Variants in CLIP2 observed in about 807,000 individuals in gnomAD.
CLIP2 encodes CAP-Gly domain containing linker protein 2, also known as CAP-Gly domain-containing linker protein 2.
In CLIP2, 41 loss-of-function variants were observed where a neutral mutation model predicts 111.7. That is an observed-to-expected ratio of 0.37 (90% CI 0.29 to 0.48). The LOEUF (loss-of-function observed/expected upper bound fraction) is 0.48, where lower values mean the gene tolerates loss of function less well. Ranked by LOEUF, CLIP2 falls within the 20% of genes least tolerant of loss-of-function variation. CLIP2 has a pLI of 0.99. For synonymous variants in CLIP2, 660 were observed against 644.2 expected (o/e 1.02, Z -0.37); for missense variants, 1,160 against 1,422.1 (o/e 0.82, Z 2.96).
At chr7:74,341,002 T>G (rs1380524518) in intron 3 of CLIP2, among the ~76,000 whole-genome samples, 2 of 152,048 alleles carry the variant, frequency 1.3e-5, no homozygotes, top group African/African-American at 4.8e-5. Context: ...TCTGAGAACC[T>G]GGCAAAGGTT....
chr7:74,380,915 T>A (rs1487279916), intron 11 of CLIP2, 52 bp downstream of exon 11: 2 of 1,555,618 alleles, frequency 1.3e-6, no homozygotes, highest in Non-Finnish European at 1.8e-6. Flanking sequence ...AGAGGCTGGC[T>A]GGCTCTGCCT....
At chr7:74,308,760 C>T (rs1320171410) in intron 1 of CLIP2, among the ~76,000 whole-genome samples, 3 of 152,176 alleles carry the variant, frequency 2.0e-5, no homozygotes, top group African/African-American at 4.8e-5. Context: ...CTGCCTCGGC[C>T]GTCTTTTCAT....
chr7:74,299,459 C>T (rs1554726468), intron 1 of CLIP2, among the ~76,000 whole-genome samples: 1 of 152,220 alleles, frequency 6.6e-6, no homozygotes, highest in Non-Finnish European at 1.5e-5. Context: ...TAGTAGTGTG[C>T]TGGGCTGCCC....
At chr7:74,369,219 T>C (rs1317548981) in intron 8 of CLIP2, among the ~76,000 whole-genome samples, 1 of 151,944 alleles carries the variant, frequency 6.6e-6, no homozygotes, top group Non-Finnish European at 1.5e-5. Context: ...GGCATGGTGG[T>C]GGGCACCAGT....
At chr7:74,301,784 C>T (rs1788345136) in intron 1 of CLIP2, among the ~76,000 whole-genome samples, 1 of 151,740 alleles carries the variant, frequency 6.6e-6, no homozygotes, top group South Asian at 2.1e-4. Context: ...GTGATCTCGG[C>T]TCACTGCAGC....
chr7:74,313,918 C>T (rs1035182129), intron 1 of CLIP2, among the ~76,000 whole-genome samples: 1 of 152,140 alleles, frequency 6.6e-6, no homozygotes, highest in Non-Finnish European at 1.5e-5. Flanking sequence ...AGCAGTGGCT[C>T]ATGCCTGTAA....
At chr7:74,296,525 C>T (rs1232759582) in intron 1 of CLIP2, among the ~76,000 whole-genome samples, 1 of 151,306 alleles carries the variant, frequency 6.6e-6, no homozygotes, top group African/African-American at 2.4e-5. Flanking sequence ...CACGGTGGCT[C>T]ACGCCTGTAA....
In CLIP2 at chr7:74,333,204, G is replaced by A. The variant is rs535083474; in HGVS notation, c.122-5244G>A. ...GAGGTTTATTTTAATTTTTTTTTGA[G>A]ACAGAGTCTTGCTCTGTCGCCCAGG... On this transcript the variant is annotated intron_variant, in intron 2 of 16. Transcript: ENST00000223398. 1.9e-3 allele frequency among the ~76,000 whole-genome samples: 282 copies of A among 152,128 alleles called. 1 individual carries two copies. Among genetic ancestry groups the A allele is most frequent in the Non-Finnish European group, 3.5e-3 (235 of 67,982 alleles).
chr7:74,307,674 G>A (rs1293982782), intron 1 of CLIP2, among the ~76,000 whole-genome samples: 1 of 152,076 alleles, frequency 6.6e-6, no homozygotes, highest in Non-Finnish European at 1.5e-5. Flanking sequence ...TGTATTTTTA[G>A]TAGAGACAGG....
At chr7:74,385,889 T>C (rs1246736387) in intron 11 of CLIP2, among the ~76,000 whole-genome samples, 1 of 148,618 alleles carries the variant, frequency 6.7e-6, no homozygotes, top group Non-Finnish European at 1.5e-5. Context: ...ATTACAGGCA[T>C]GCACCACCAC....
chr7:74,324,490 A>G (rs1554730441), intron 2 of CLIP2, among the ~76,000 whole-genome samples: 1 of 152,088 alleles, frequency 6.6e-6, no homozygotes, highest in East Asian at 1.9e-4. Context: ...GGATGGGGAC[A>G]AGGACTGGGT....
intron 1 of CLIP2, among the ~76,000 whole-genome samples, chr7:74,311,682 G>A (rs1788643694): frequency 6.6e-6 from 1 of 152,188 alleles, no homozygotes; most frequent in Non-Finnish European, 1.5e-5. Context: ...GGCAGAGGCA[G>A]GAGGATTGCT....
intron 1 of CLIP2, among the ~76,000 whole-genome samples, chr7:74,299,472 C>T (rs1465188823): frequency 1.3e-5 from 2 of 152,226 alleles, no homozygotes; most frequent in Admixed American, 6.5e-5. Flanking sequence ...GGCTGCCCCT[C>T]AGGGGCATAG....
intron 3 of CLIP2, among the ~76,000 whole-genome samples, chr7:74,352,979 T>C (rs984207947): frequency 6.6e-6 from 1 of 151,390 alleles, no homozygotes; most frequent in African/African-American, 2.4e-5. Flanking sequence ...AGATCCTGTG[T>C]CTACAAAAAA....
rs144390075 is a variant in CLIP2, at chr7:74,397,083, C to T, written c.2730C>T (p.Asn910=). The T allele has an allele frequency of 1.7e-3, 2,689 of 1,613,502 alleles. 7 individuals carry two copies. Among genetic ancestry groups the T allele is most frequent in the Middle Eastern group, 3.1e-3 (19 of 6,038 alleles). Residue 910 remains asparagine, a synonymous_variant, in exon 14 of 17, where the codon AAC becomes AAT. Transcript: ENST00000223398. ...QELLRKERSL[N]ELRVLLLEAN... Reference sequence around the variant, plus strand: ...CCCGCCTCACCCCCAGGAGCCTGAACGAACTGCGGGTGTTGCTGCTGGAGG... The same window carrying T: ...CCCGCCTCACCCCCAGGAGCCTGAATGAACTGCGGGTGTTGCTGCTGGAGG...
chr7:74,310,036 CAAAAAAAAAAAAAAAA>C (rs71094774), intron 1 of CLIP2, among the ~76,000 whole-genome samples: 77 of 92,450 alleles, frequency 8.3e-4, no homozygotes, highest in Admixed American at 6.0e-3. Context: ...CCTGTCTCTA[CAAAAAAAAAAAAAAAA>C]AAAAAAAAAA....
intron 1 of CLIP2, among the ~76,000 whole-genome samples, chr7:74,291,136 T>C (rs1487602324): frequency 6.6e-6 from 1 of 152,182 alleles, no homozygotes; most frequent in Non-Finnish European, 1.5e-5. Context: ...CATTCTTGTC[T>C]GCAGTGCCTT....
intron 2 of CLIP2, among the ~76,000 whole-genome samples, chr7:74,337,888 G>C (rs1411502301): frequency 6.6e-6 from 1 of 152,128 alleles, no homozygotes; most frequent in Non-Finnish European, 1.5e-5. Flanking sequence ...GAGCCACCGT[G>C]CCCGGCCTGG....
chr7:74,308,159 A>C lies in CLIP2; in HGVS notation c.-67-9321A>C, dbSNP rs1005354180. 3.3e-5 allele frequency among the ~76,000 whole-genome samples: 5 copies of C among 152,236 alleles called. No homozygotes were observed. In the East Asian group the frequency reaches 9.7e-4, roughly 29 times the overall value. Reference sequence around the variant, plus strand: ...GGCATCAGGCTAGGTGTCAGTAGGTAATGCAAATAGGAGAAGTGAAGCAGG... The same window carrying C: ...GGCATCAGGCTAGGTGTCAGTAGGTCATGCAAATAGGAGAAGTGAAGCAGG... On this transcript the variant is annotated intron_variant, in intron 1 of 16. Transcript: ENST00000223398.
Sources: allele counts gnomAD v4.1 joint callset (sites outside exome capture counted in the v4.1 genomes callset), GRCh38; gene constraint gnomAD v4.1.1; transcripts MANE v1.5; gene names NCBI Gene and HGNC (gene_info 2026-07-23, HGNC 2026-07-21).